The following AUH variants were observed in gnomAD, a reference collection of about 807,000 sequenced individuals.
The protein encoded by AUH is AU RNA binding methylglutaconyl-CoA hydratase, also known as methylglutaconyl-CoA hydratase, mitochondrial.
AUH carries 29 observed loss-of-function variants against 42.3 expected under a neutral mutation model. The observed-to-expected ratio is 0.69, with a 90% CI of 0.51 to 0.93. The LOEUF (loss-of-function observed/expected upper bound fraction) is 0.93. Ranked by LOEUF, AUH falls within the 40% of genes least tolerant of loss-of-function variation. AUH has a pLI of 0.00. For synonymous variants in AUH, 174 were observed against 166.4 expected (o/e 1.05, Z -0.35); for missense variants, 452 against 438.1 (o/e 1.03, Z -0.28).
intron 3 of AUH, among the ~76,000 whole-genome samples, chr9:91,326,566 A>G (rs1212785979): frequency 6.6e-6 from 1 of 152,234 alleles, no homozygotes; most frequent in Non-Finnish European, 1.5e-5. Flanking sequence ...ATATTATTGA[A>G]AAAGTATTAA....
intron 4 of AUH, chr9:91,306,527 G>A (rs1231244849): frequency 4.3e-6 from 1 of 234,692 alleles, no homozygotes; most frequent in Non-Finnish European, 7.0e-6. Flanking sequence ...CTCAGGCTCT[G>A]TAACCTTGTT....
intron 6 of AUH, among the ~76,000 whole-genome samples, chr9:91,226,313 AT>A (rs919162833): frequency 6.8e-6 from 1 of 147,726 alleles, no homozygotes; most frequent in African/African-American, 2.5e-5. Flanking sequence ...GATGGTGAGC[AT>A]TTTTTCATGT....
In AUH at chr9:91,223,357, G is replaced by A. The variant is rs561382279; in HGVS notation, c.656-2365C>T. 1.6e-4 allele frequency among the ~76,000 whole-genome samples: 24 copies of A among 152,266 alleles called. No homozygotes were observed. In the East Asian group the frequency reaches 2.7e-3, roughly 17 times the overall value. On this transcript the variant is annotated intron_variant, in intron 6 of 9. Coordinates refer to ENST00000375731, the MANE Select transcript of AUH (RefSeq NM_001698.3). The stretch of plus-strand genomic sequence containing the variant: ...CTGTGATTCACCTGTTTCACTTAGC[G>A]TAATGTCCTCAAGATTCACCTCTGT...
intron 3 of AUH, among the ~76,000 whole-genome samples, chr9:91,350,057 T>C (rs538316888): frequency 6.6e-6 from 1 of 152,222 alleles, no homozygotes; most frequent in Non-Finnish European, 1.5e-5. Context: ...ATTTGGGGTA[T>C]AGCACACCAT....
At chr9:91,309,690 G>A (rs545522907) in intron 4 of AUH, among the ~76,000 whole-genome samples, 2 of 152,262 alleles carry the variant, frequency 1.3e-5, no homozygotes, top group South Asian at 2.1e-4. Flanking sequence ...AGGGTGAGAG[G>A]TGAAAAATTA....
At position 91,355,878 on chromosome 9, in the gene AUH, C is replaced by T. The variant is rs573626639; in HGVS notation, c.418+5G>A. The stretch of plus-strand genomic sequence containing the variant: ...TTAATTTCATAATACAACATATTTA[C>T]ATACCAGCACAGAATATCCCTGGGA... On this transcript the variant is annotated splice_donor_5th_base_variant and intron_variant, in intron 3 of 9. Transcript: ENST00000375731. 6 of 1,600,044 alleles carry T rather than the reference C, an allele frequency of 3.7e-6. No homozygotes were observed. In the South Asian group the frequency reaches 6.6e-5, roughly 18 times the overall value.
chr9:91,299,617 G>C (rs73651414), intron 4 of AUH, among the ~76,000 whole-genome samples: 6,049 of 152,186 alleles, frequency 0.04, 378 homozygotes, highest in African/African-American at 0.13. Context: ...CTATGTCAGG[G>C]TTTGCAGTCT....
chr9:91,353,635 C>T (rs895988055), intron 3 of AUH, among the ~76,000 whole-genome samples: 12 of 151,458 alleles, frequency 7.9e-5, no homozygotes, highest in Non-Finnish European at 1.5e-4. Context: ...GTCAGGAGAT[C>T]GAGACCATCC....
intron 6 of AUH, among the ~76,000 whole-genome samples, chr9:91,264,208 C>T (rs1470960395): frequency 6.6e-6 from 1 of 152,120 alleles, no homozygotes; most frequent in East Asian, 1.9e-4. Context: ...TCATTCTTTA[C>T]AAATCTAATG....
At chr9:91,295,820 A>G (rs773743702) in intron 6 of AUH, among the ~76,000 whole-genome samples, 8 of 152,244 alleles carry the variant, frequency 5.3e-5, no homozygotes, top group Non-Finnish European at 1.0e-4. Context: ...GGCTTGCTCT[A>G]TCGCAGTATT....
At chr9:91,240,123 A>G (rs1288398003) in intron 6 of AUH, among the ~76,000 whole-genome samples, 1 of 152,236 alleles carries the variant, frequency 6.6e-6, no homozygotes, top group African/African-American at 2.4e-5. Context: ...TTAAAAACAA[A>G]TATTTGCTGA....
intron 6 of AUH, among the ~76,000 whole-genome samples, chr9:91,293,839 A>T (rs747545611): frequency 3.3e-5 from 5 of 152,252 alleles, no homozygotes; most frequent in Admixed American, 3.3e-4. Flanking sequence ...GCTACAGAAG[A>T]GAAGTCAATG....
chr9:91,328,766 T>A (rs1408370620), intron 3 of AUH, among the ~76,000 whole-genome samples: 1 of 152,252 alleles, frequency 6.6e-6, no homozygotes, highest in African/African-American at 2.4e-5. Context: ...TTCCTTAACA[T>A]CTTCACTGAA....
intron 4 of AUH, among the ~76,000 whole-genome samples, chr9:91,318,661 C>T (rs1477325212): frequency 1.3e-5 from 2 of 152,192 alleles, no homozygotes; most frequent in African/African-American, 2.4e-5. Flanking sequence ...AGACTGACTG[C>T]GACTGATTTG....
At chr9:91,273,760 G>A (rs1455206582) in intron 6 of AUH, among the ~76,000 whole-genome samples, 1 of 152,108 alleles carries the variant, frequency 6.6e-6, no homozygotes, top group Non-Finnish European at 1.5e-5. Context: ...CATTGGCAGG[G>A]GGATACCTCC....
intron 7 of AUH, among the ~76,000 whole-genome samples, chr9:91,220,197 G>A (rs1037422688): frequency 6.6e-6 from 1 of 152,200 alleles, no homozygotes; most frequent in African/African-American, 2.4e-5. Context: ...TATCACTCCT[G>A]AGTCAGCCAT....
At chr9:91,261,066 C>T (rs1416405380) in intron 6 of AUH, among the ~76,000 whole-genome samples, 1 of 152,106 alleles carries the variant, frequency 6.6e-6, no homozygotes, top group East Asian at 1.9e-4. Context: ...TAAACGTAGT[C>T]GTGGCTTTGA....
chr9:91,355,080 A>G (rs977766125), intron 3 of AUH, among the ~76,000 whole-genome samples: 4 of 152,204 alleles, frequency 2.6e-5, no homozygotes, highest in Non-Finnish European at 4.4e-5. Context: ...CTCTTTGGTT[A>G]CTCAACTGGA....
At chr9:91,230,598 G>A (rs1006852666) in intron 6 of AUH, among the ~76,000 whole-genome samples, 19 of 152,324 alleles carry the variant, frequency 1.2e-4, no homozygotes, top group Non-Finnish European at 1.9e-4. Flanking sequence ...TGCTGGTGAG[G>A]AGCTGCGTTC....
Sources: gnomAD v4.1 joint callset for allele counts (sites outside exome capture counted in the v4.1 genomes callset) on GRCh38, gnomAD v4.1.1 for gene constraint, MANE v1.5 for transcripts, NCBI Gene and HGNC (gene_info 2026-07-23, HGNC 2026-07-21) for gene names.